PARD3: variants seen among roughly 807,000 people sequenced by gnomAD.
The protein encoded by PARD3 is par-3 family cell polarity regulator, also known as partitioning defective 3 homolog.
In PARD3, 75 loss-of-function variants were observed where a neutral mutation model predicts 155.4. That is an observed-to-expected ratio of 0.48 (90% CI 0.40 to 0.58). PARD3 has a LOEUF of 0.58. Ranked by LOEUF, PARD3 falls within the 20% of genes least tolerant of loss-of-function variation. The pLI is 0.00. For missense variants in PARD3, 1,642 were observed against 1,721.7 expected (o/e 0.95, Z 0.82); for synonymous variants, 576 against 610.5 (o/e 0.94, Z 0.83).
chr10:34,347,935 A>T, intron 15 of PARD3, 30 bp downstream of exon 15: 1 of 1,579,768 alleles, frequency 6.3e-7, no homozygotes, highest in East Asian at 2.3e-5. Flanking sequence ...TCAAAATAAG[A>T]TGTGATAAAC....
chr10:34,188,947 A>G (rs575703170), intron 22 of PARD3, among the ~76,000 whole-genome samples: 2 of 152,258 alleles, frequency 1.3e-5, no homozygotes, highest in East Asian at 1.9e-4. Context: ...AGTCAGTCCC[A>G]TGGCTCCCAA....
chr10:34,426,108 C>T (rs964932133), intron 5 of PARD3, among the ~76,000 whole-genome samples: 8 of 152,038 alleles, frequency 5.3e-5, no homozygotes, highest in African/African-American at 1.7e-4. Context: ...TATTTTCAAC[C>T]GTACAAGTAA....
chr10:34,461,437 T>G (rs2132950345), intron 4 of PARD3, among the ~76,000 whole-genome samples: 2 of 152,160 alleles, frequency 1.3e-5, no homozygotes, highest in Middle Eastern at 3.4e-3. Flanking sequence ...AAACCCTGGC[T>G]CTACTAAAAA....
intron 2 of PARD3, among the ~76,000 whole-genome samples, chr10:34,683,577 G>A (rs1195481371): frequency 6.7e-6 from 1 of 150,344 alleles, no homozygotes; most frequent in East Asian, 1.9e-4. Context: ...AAAGCACAGC[G>A]CGGCACACCA....
At chr10:34,533,071 G>T (rs535208749) in intron 2 of PARD3, among the ~76,000 whole-genome samples, 1 of 152,208 alleles carries the variant, frequency 6.6e-6, no homozygotes, top group African/African-American at 2.4e-5. Context: ...ATATCTAAAC[G>T]TATCTAACCA....
intron 22 of PARD3, among the ~76,000 whole-genome samples, chr10:34,204,406 C>T (rs1326379232): frequency 1.3e-5 from 2 of 152,180 alleles, no homozygotes; most frequent in Non-Finnish European, 2.9e-5. Flanking sequence ...GCAGTGTTGG[C>T]AGGCTGGGTA....
chr10:34,611,731 G>A (rs1001264384), intron 2 of PARD3, among the ~76,000 whole-genome samples: 1 of 152,004 alleles, frequency 6.6e-6, no homozygotes, highest in Admixed American at 6.6e-5. Context: ...AATGGGGACG[G>A]GAGAGAGCTA....
chr10:34,355,793 C>T (rs187660785), intron 14 of PARD3, among the ~76,000 whole-genome samples: 9 of 151,696 alleles, frequency 5.9e-5, no homozygotes, highest in African/African-American at 1.2e-4. Context: ...CTGGGCATGG[C>T]GCACACCTGT....
At chr10:34,672,136 C>T (rs1409923229) in intron 2 of PARD3, among the ~76,000 whole-genome samples, 4 of 152,128 alleles carry the variant, frequency 2.6e-5, no homozygotes, top group African/African-American at 9.7e-5. Flanking sequence ...CTACTACACT[C>T]CAGCCTGGGT....
At chr10:34,721,248 T>C (rs2094602577) in intron 1 of PARD3, among the ~76,000 whole-genome samples, 1 of 152,202 alleles carries the variant, frequency 6.6e-6, no homozygotes, top group South Asian at 2.1e-4. Context: ...ATTCCAGAAC[T>C]GAAGAGACTG....
At chr10:34,618,924 T>G (rs1308104565) in intron 2 of PARD3, among the ~76,000 whole-genome samples, 1 of 152,178 alleles carries the variant, frequency 6.6e-6, no homozygotes, top group Non-Finnish European at 1.5e-5. Flanking sequence ...TTGGTGCCAC[T>G]TCCCTAAGGT....
chr10:34,448,335 A>C lies in PARD3; in HGVS notation c.714+1982T>G, dbSNP rs891263038. Among the ~76,000 whole-genome samples, 22 of 152,044 alleles carry C rather than the reference A, an allele frequency of 1.4e-4. 1 individual carries two copies. Among genetic ancestry groups the C allele is most frequent in the African/African-American group, 4.8e-4 (20 of 41,386 alleles). On this transcript the variant is annotated intron_variant, in intron 5 of 24. Coordinates refer to ENST00000374788, the MANE Select transcript of PARD3 (RefSeq NM_001184785.2). ...TTATAAGTGGAATCTTGGAAAAAAA[A>C]AAAAATGAACTCATGCTAACAGAGT...
At chr10:34,671,177 G>C (rs989622478) in intron 2 of PARD3, among the ~76,000 whole-genome samples, 1 of 152,204 alleles carries the variant, frequency 6.6e-6, no homozygotes, top group Non-Finnish European at 1.5e-5. Flanking sequence ...GTGGGACTTT[G>C]CCTGTGAATA....
At chr10:34,712,220 G>T (rs2094459046) in intron 1 of PARD3, among the ~76,000 whole-genome samples, 1 of 152,226 alleles carries the variant, frequency 6.6e-6, no homozygotes, top group Admixed American at 6.5e-5. Flanking sequence ...TGAACTGGTA[G>T]ACAGAAAACA....
chr10:34,567,713 A>G (rs1015159992), intron 2 of PARD3, among the ~76,000 whole-genome samples: 2 of 152,246 alleles, frequency 1.3e-5, no homozygotes, highest in African/African-American at 4.8e-5. Context: ...AGTAGTAATG[A>G]CATTATTCAT....
At chr10:34,523,371 G>C (rs1297459455) in intron 2 of PARD3, among the ~76,000 whole-genome samples, 4 of 152,116 alleles carry the variant, frequency 2.6e-5, no homozygotes, top group Non-Finnish European at 4.4e-5. Context: ...ATTATGATGG[G>C]TGTCATTGGA....
At chr10:34,363,580 T>C (rs546933442) in intron 12 of PARD3, among the ~76,000 whole-genome samples, 1 of 152,332 alleles carries the variant, frequency 6.6e-6, no homozygotes, top group Non-Finnish European at 1.5e-5. Flanking sequence ...ACTGAGAATG[T>C]TCATAAAGTC....
chr10:34,390,911 G>A (rs1842816378), intron 7 of PARD3, among the ~76,000 whole-genome samples: 2 of 151,926 alleles, frequency 1.3e-5, no homozygotes, highest in Admixed American at 6.6e-5. Flanking sequence ...CCTTTCCAGC[G>A]AAACAAAAAG....
chr10:34,609,210 AT>A (rs2090697568), intron 2 of PARD3, among the ~76,000 whole-genome samples: 1 of 152,216 alleles, frequency 6.6e-6, no homozygotes, highest in Non-Finnish European at 1.5e-5. Context: ...CCCCAGGTAC[AT>A]TTTCAACTCA....
Sources: allele counts gnomAD v4.1 joint callset (sites outside exome capture counted in the v4.1 genomes callset), GRCh38; gene constraint gnomAD v4.1.1; transcripts MANE v1.5; gene names NCBI Gene and HGNC (gene_info 2026-07-23, HGNC 2026-07-21).